PLXNA2: variants seen among roughly 807,000 people sequenced by gnomAD.
PLXNA2 encodes the protein plexin-A2.
A neutral mutation model predicts 193.5 loss-of-function variants in PLXNA2; 91 were observed. The ratio of observed to expected loss-of-function variants is 0.47; its 90% CI spans 0.40 to 0.56. PLXNA2 has a LOEUF of 0.56. PLXNA2 is among the 20% of genes least tolerant of loss of function. The pLI, the probability that PLXNA2 is intolerant of heterozygous loss-of-function variation, is 0.00. For synonymous variants in PLXNA2, 997 were observed against 1,027.3 expected, an observed-to-expected ratio of 0.97 and a Z score of 0.56; for missense variants, 1,995 against 2,503.2, an observed-to-expected ratio of 0.80 and a Z score of 4.33.
intron 12 of PLXNA2, among the ~76,000 whole-genome samples, chr1:208,072,789 A>C (rs1370345011): frequency 6.6e-6 from 1 of 152,170 alleles, no homozygotes; most frequent in Non-Finnish European, 1.5e-5. Context: ...CATTACATTT[A>C]GGAAGACAGT....
At chr1:208,042,780 C>A (rs1664918058) in intron 21 of PLXNA2, among the ~76,000 whole-genome samples, 1 of 152,224 alleles carries the variant, frequency 6.6e-6, no homozygotes, top group Non-Finnish European at 1.5e-5. Flanking sequence ...TTTAAGCCAT[C>A]TTAAATCCAT....
intron 3 of PLXNA2, among the ~76,000 whole-genome samples, chr1:208,209,736 T>C (rs1670864764): frequency 6.6e-6 from 1 of 152,144 alleles, no homozygotes; most frequent in African/African-American, 2.4e-5. Context: ...GAGTCTGTGA[T>C]TGCAGGAAGA....
rs535643913 is a variant in PLXNA2, at chr1:208,025,944, A to C, written c.*1299T>G. 1 of 152,780 alleles carries C rather than the reference A, an allele frequency of 6.5e-6. No individual in the cohort carries two copies. The highest frequency in any genetic ancestry group is 2.1e-4 in the South Asian group (1 of 4,830). 9.5% of individuals were successfully genotyped at this position (152,780 alleles called of 1,614,324 possible). ...TACTGAGGAAGTGCTGTAGGCCCAG[A>C]TGGTCAGGAGCTTCCGTATATGAGC... is the stretch of plus-strand genomic sequence containing the variant. On this transcript the variant is annotated 3_prime_UTR_variant, in exon 32 of 32. Transcript: ENST00000367033.
chr1:208,048,182 G>A (rs971983716), intron 17 of PLXNA2, among the ~76,000 whole-genome samples: 1 of 152,154 alleles, frequency 6.6e-6, no homozygotes, highest in African/African-American at 2.4e-5. Context: ...TGCCTGCCCC[G>A]TGCTGCGTCG....
At chr1:208,218,441 G>T (rs932519344) in intron 1 of PLXNA2, among the ~76,000 whole-genome samples, 1 of 152,002 alleles carries the variant, frequency 6.6e-6, no homozygotes, top group Admixed American at 6.6e-5. Context: ...CCTCCCCCAG[G>T]CTCTCCAGGT....
chr1:208,210,566 G>C, intron 2 of PLXNA2, 104 bp from the exon 3 acceptor site: 1 of 999,756 alleles, frequency 1.0e-6, no homozygotes, highest in Non-Finnish European at 1.5e-6. Flanking sequence ...CCAGGCCTCA[G>C]AGAGGCAGAC....
At chr1:208,109,046 G>T (rs1170537727) in intron 4 of PLXNA2, among the ~76,000 whole-genome samples, 6 of 152,192 alleles carry the variant, frequency 3.9e-5, no homozygotes, top group Non-Finnish European at 8.8e-5. Flanking sequence ...CCTGGAATCT[G>T]CCCTGCCAGA....
intron 3 of PLXNA2, among the ~76,000 whole-genome samples, chr1:208,156,264 G>A (rs961810416): frequency 8.5e-5 from 13 of 152,170 alleles, no homozygotes; most frequent in Non-Finnish European, 1.6e-4. Flanking sequence ...GGCATTCATC[G>A]AAAGAAGTAA....
intron 3 of PLXNA2, among the ~76,000 whole-genome samples, chr1:208,181,879 T>C (rs931312572): frequency 2.0e-5 from 3 of 152,200 alleles, no homozygotes; most frequent in Non-Finnish European, 4.4e-5. Flanking sequence ...CTTTCTTATT[T>C]TGAAATTTTG....
In PLXNA2 at chr1:208,119,939, G is replaced by A. The variant is rs183140573; in HGVS notation, c.1507-16692C>T. On this transcript the variant is annotated intron_variant, in intron 4 of 31. Transcript: ENST00000367033. ...TTCTCCGGAACTTTCTAATCCTTAG[G>A]GACATTTCTTTGGGTAATGAGGTCC... is the stretch of plus-strand genomic sequence containing the variant. Among the ~76,000 whole-genome samples the A allele has an allele frequency of 4.2e-4, 64 of 152,310 alleles. 1 individual carries two copies. Among genetic ancestry groups the A allele is most frequent in the Admixed American group, 3.8e-3 (58 of 15,300 alleles).
chr1:208,031,653 T>C lies in PLXNA2; in HGVS notation c.5162A>G (p.Asp1721Gly). The stretch of plus-strand genomic sequence containing the variant: ...GATGCTGTGCCTGTCTGCCTGCTCA[T>C]CTAGGAAATCAAACATGTACTTGAT... ...LAIKYMFDFLDEQADRHSIHD... is the reference protein window; with the variant it reads ...LAIKYMFDFLGEQADRHSIHD... The change falls in exon 29 of 32, where the codon GAT becomes GGT. Residue 1721 changes from aspartate to glycine, a missense_variant. This residue lies in a region of PLXNA2 where 1,291 missense variants were observed against 1,673.6 expected (regional missense o/e 0.77). Transcript: ENST00000367033. The C allele has an allele frequency of 6.2e-7, 1 of 1,613,882 alleles. No individual in the cohort carries two copies.
At chr1:208,172,086 G>A (rs564029900) in intron 3 of PLXNA2, among the ~76,000 whole-genome samples, 1 of 149,528 alleles carries the variant, frequency 6.7e-6, no homozygotes, top group South Asian at 2.2e-4. Flanking sequence ...AGTGAGATAA[G>A]CACAAAGCAG....
At chr1:208,123,440 G>A (rs1206854324) in intron 4 of PLXNA2, among the ~76,000 whole-genome samples, 2 of 152,134 alleles carry the variant, frequency 1.3e-5, no homozygotes, top group Non-Finnish European at 2.9e-5. Flanking sequence ...CAGGGAAACC[G>A]AAGCACAGTG....
chr1:208,172,557 A>G (rs573371527), intron 3 of PLXNA2, among the ~76,000 whole-genome samples: 30 of 152,170 alleles, frequency 2.0e-4, no homozygotes, highest in Admixed American at 5.9e-4. Context: ...AGCCGAGCAC[A>G]TGCCCTGACA....
At position 208,025,009 on chromosome 1, in the gene PLXNA2, A is replaced by G. The variant is rs1664299471; in HGVS notation, c.*2234T>C. 6.6e-6 allele frequency: 1 copy of G among 152,650 alleles called. No individual in the cohort carries two copies. The highest frequency in any genetic ancestry group is 1.5e-5 in the Non-Finnish European group (1 of 68,044). The allele number at this position is 152,650 out of a possible 1,614,324, so 9.5% of individuals were successfully genotyped here. ...GAGCAAACACTTTGGCTTAGTGCGG[A>G]AGGCCAGTCATTAGTATTTCCTTCA... On this transcript the variant is annotated 3_prime_UTR_variant, in exon 32 of 32. Coordinates refer to ENST00000367033, the MANE Select transcript of PLXNA2 (RefSeq NM_025179.4).
chr1:208,219,029 TG>T (rs1671235804), intron 1 of PLXNA2, among the ~76,000 whole-genome samples: 1 of 152,220 alleles, frequency 6.6e-6, no homozygotes, highest in African/African-American at 2.4e-5. Context: ...CAGGCACTGC[TG>T]GGGCCTCCTG....
chr1:208,160,586 T>A (rs1262048), intron 3 of PLXNA2, among the ~76,000 whole-genome samples: 107,966 of 152,178 alleles, frequency 0.71, 40,249 homozygotes, highest in Middle Eastern at 0.87. Context: ...AGACAAGCCT[T>A]CTTTATCCCC....
At chr1:208,071,627 C>T (rs538769687) in intron 12 of PLXNA2, among the ~76,000 whole-genome samples, 2 of 152,204 alleles carry the variant, frequency 1.3e-5, no homozygotes, top group African/African-American at 4.8e-5. Context: ...CTCTCCTGCC[C>T]GGCGTGAATC....
At chr1:208,176,994 G>C (rs969356117) in intron 3 of PLXNA2, among the ~76,000 whole-genome samples, 3 of 143,312 alleles carry the variant, frequency 2.1e-5, no homozygotes, top group African/African-American at 7.8e-5. Context: ...ATGGCCTTTT[G>C]CCTCTTTCAC....
Sources: allele counts gnomAD v4.1 joint callset (sites outside exome capture counted in the v4.1 genomes callset), GRCh38; gene constraint gnomAD v4.1.1; regional missense constraint gnomAD v4.1.1; transcripts MANE v1.5; gene names NCBI Gene and HGNC (gene_info 2026-07-23, HGNC 2026-07-21).